DLG1: variants seen among roughly 807,000 people sequenced by gnomAD.
DLG1 encodes the protein disks large homolog 1.
A neutral mutation model predicts 123.4 loss-of-function variants in DLG1; 42 were observed. The ratio of observed to expected loss-of-function variants is 0.34; its 90% CI spans 0.27 to 0.44. The LOEUF (loss-of-function observed/expected upper bound fraction) is 0.44. DLG1 is among the 20% of genes least tolerant of loss of function. The probability of loss-of-function intolerance (pLI) is 1.00; values close to 1 mark genes in which losing one functional copy is unlikely to be tolerated. For missense variants in DLG1, 942 were observed against 1,082.6 expected, an observed-to-expected ratio of 0.87 and a Z score of 1.82; for synonymous variants, 317 against 356.2, an observed-to-expected ratio of 0.89 and a Z score of 1.24.
At chr3:197,287,395 A>G (rs1772394295) in intron 3 of DLG1, among the ~76,000 whole-genome samples, 1 of 152,242 alleles carries the variant, frequency 6.6e-6, no homozygotes, top group Non-Finnish European at 1.5e-5. Flanking sequence ...GGTTTTTACA[A>G]TCTTGGCAAT....
At chr3:197,273,089 A>G (rs989816526) in intron 4 of DLG1, among the ~76,000 whole-genome samples, 2 of 151,398 alleles carry the variant, frequency 1.3e-5, no homozygotes, top group African/African-American at 2.4e-5. Context: ...CTATTCCTTT[A>G]TTATTTGTGT....
intron 4 of DLG1, among the ~76,000 whole-genome samples, chr3:197,208,151 T>C (rs970186878): frequency 1.4e-5 from 2 of 145,954 alleles, no homozygotes; most frequent in African/African-American, 4.9e-5. Context: ...TATACAAAAA[T>C]ATGTTTATCT....
chr3:197,121,204 C>T (rs1020084159), intron 11 of DLG1, among the ~76,000 whole-genome samples: 15 of 152,214 alleles, frequency 9.9e-5, no homozygotes, highest in Non-Finnish European at 1.8e-4. Context: ...GTACCACATA[C>T]TCTCAGACAA....
chr3:197,082,206 C>CTA (rs1751572332), intron 16 of DLG1, among the ~76,000 whole-genome samples: 1 of 151,804 alleles, frequency 6.6e-6, no homozygotes, highest in Admixed American at 6.6e-5. Flanking sequence ...CCTGTCTCTA[C>CTA]TAAAAATATA....
chr3:197,139,726 T>C (rs113597551), intron 8 of DLG1, among the ~76,000 whole-genome samples: 1 of 152,196 alleles, frequency 6.6e-6, no homozygotes, highest in Non-Finnish European at 1.5e-5. Context: ...TAAGTTTATA[T>C]ACATGTTTCC....
intron 4 of DLG1, among the ~76,000 whole-genome samples, chr3:197,198,370 C>A (rs1206249165): frequency 2.6e-5 from 4 of 151,672 alleles, no homozygotes; most frequent in Non-Finnish European, 4.4e-5. Context: ...CACCTGTAGT[C>A]CCAACTACTT....
chr3:197,252,175 G>C (rs1018909574), intron 4 of DLG1, among the ~76,000 whole-genome samples: 1 of 152,144 alleles, frequency 6.6e-6, no homozygotes, highest in Non-Finnish European at 1.5e-5. Context: ...AAAGGAATAT[G>C]AAAGGGAGGA....
intron 4 of DLG1, among the ~76,000 whole-genome samples, chr3:197,216,694 A>C (rs1561504667): frequency 6.6e-6 from 1 of 152,210 alleles, no homozygotes; most frequent in Non-Finnish European, 1.5e-5. Context: ...TATTTTGTAT[A>C]AACAGTTTAG....
At position 197,140,129 on chromosome 3, in the gene DLG1, G is replaced by A. The variant is rs371223139; in HGVS notation, c.713+11C>T. Reference sequence around the variant, plus strand: ...TGGATTCAGCATCACAATAAAAAGCGCAAAACATACCGCAATCTTCCATCT... The same window carrying A: ...TGGATTCAGCATCACAATAAAAAGCACAAAACATACCGCAATCTTCCATCT... On this transcript the variant is annotated intron_variant, in intron 8 of 24. Coordinates refer to ENST00000667157, the MANE Select transcript of DLG1 (RefSeq NM_001366207.1). The A allele has an allele frequency of 1.5e-5, 24 of 1,610,496 alleles. 1 individual carries two copies. The East Asian group carries it at 3.1e-4, about 21-fold the overall frequency.
intron 14 of DLG1, among the ~76,000 whole-genome samples, chr3:197,097,319 C>A (rs1761123552): frequency 6.6e-6 from 1 of 152,152 alleles, no homozygotes. Flanking sequence ...TTACCTACTG[C>A]ATTTTCTTGT....
intron 4 of DLG1, among the ~76,000 whole-genome samples, chr3:197,277,781 A>C (rs536866016): frequency 1.4e-4 from 21 of 152,234 alleles, no homozygotes; most frequent in East Asian, 7.7e-4. Context: ...CTCTAAAACT[A>C]ACTCACTCTT....
intron 4 of DLG1, among the ~76,000 whole-genome samples, chr3:197,249,837 A>G (rs111285045): frequency 1.2e-4 from 18 of 152,334 alleles, no homozygotes; most frequent in African/African-American, 3.8e-4. Flanking sequence ...AATAGATGCC[A>G]AAAAAGCACT....
intron 10 of DLG1, chr3:197,136,287 G>A (rs1158367235): frequency 2.9e-6 from 1 of 345,606 alleles, no homozygotes; most frequent in African/African-American, 2.1e-5. Flanking sequence ...GGATTATGAT[G>A]AAACACTCTG....
intron 11 of DLG1, among the ~76,000 whole-genome samples, chr3:197,123,162 G>A (rs911150452): frequency 6.6e-6 from 1 of 151,984 alleles, no homozygotes; most frequent in Non-Finnish European, 1.5e-5. Flanking sequence ...AAAATGGATC[G>A]GACCTAAATG....
intron 3 of DLG1, among the ~76,000 whole-genome samples, chr3:197,295,818 T>A (rs1353210591): frequency 6.6e-6 from 1 of 152,230 alleles, no homozygotes; most frequent in Non-Finnish European, 1.5e-5. Context: ...CACTTCAAAT[T>A]AAGTTACAAT....
At chr3:197,266,282 T>A (rs1322138787) in intron 4 of DLG1, among the ~76,000 whole-genome samples, 1 of 151,904 alleles carries the variant, frequency 6.6e-6, no homozygotes, top group Non-Finnish European at 1.5e-5. Context: ...GACCCAGAAA[T>A]GACACATAAT....
intron 15 of DLG1, among the ~76,000 whole-genome samples, chr3:197,089,774 C>T (rs909020251): frequency 6.6e-6 from 1 of 151,834 alleles, no homozygotes; most frequent in African/African-American, 2.4e-5. Context: ...CTTCCTTCTT[C>T]GATATATTTG....
At chr3:197,058,653 C>T (rs967972330) in intron 23 of DLG1, among the ~76,000 whole-genome samples, 1 of 152,186 alleles carries the variant, frequency 6.6e-6, no homozygotes, top group Non-Finnish European at 1.5e-5. Context: ...TTCATGTACA[C>T]TGGAAATCCA....
At chr3:197,166,471 ATG>A (rs1222903040) in intron 5 of DLG1, among the ~76,000 whole-genome samples, 1 of 152,206 alleles carries the variant, frequency 6.6e-6, no homozygotes, top group Non-Finnish European at 1.5e-5. Context: ...ATAGACATAA[ATG>A]TGTGTGTATA....
Sources: gnomAD v4.1 joint callset for allele counts (sites outside exome capture counted in the v4.1 genomes callset) on GRCh38, gnomAD v4.1.1 for gene constraint, MANE v1.5 for transcripts, NCBI Gene and HGNC (gene_info 2026-07-23, HGNC 2026-07-21) for gene names.